DGLUCY: variants seen among roughly 807,000 people sequenced by gnomAD.
DGLUCY encodes D-glutamate cyclase, also known as D-glutamate cyclase, mitochondrial.
Under a neutral mutation model 58.5 loss-of-function variants are expected in DGLUCY, and 58 were observed. The observed-to-expected ratio is 0.99, with a 90% CI of 0.80 to 1.23. DGLUCY has a LOEUF of 1.23. Ranked by LOEUF, DGLUCY falls within the 50% of genes most tolerant of loss-of-function variation. The pLI is 0.00. For synonymous variants in DGLUCY, 325 were observed against 314.1 expected (o/e 1.03, Z -0.37); for missense variants, 779 against 784.7 (o/e 0.99, Z 0.09).
upstream of DGLUCY, among the ~76,000 whole-genome samples, chr14:91,111,764 G>T (rs2044706161): frequency 6.6e-6 from 1 of 152,152 alleles, no homozygotes; most frequent in Admixed American, 6.5e-5. Flanking sequence ...ATGAATTTTG[G>T]AGGAATACAA....
At chr14:91,203,458 G>A (rs2050694328) in intron 11 of DGLUCY, among the ~76,000 whole-genome samples, 1 of 152,206 alleles carries the variant, frequency 6.6e-6, no homozygotes, top group South Asian at 2.1e-4. Context: ...CTGTTCCATA[G>A]GCTTGGAGAG....
chr14:91,126,767 T>A (rs2045710621), intron 1 of DGLUCY, among the ~76,000 whole-genome samples: 1 of 152,148 alleles, frequency 6.6e-6, no homozygotes, highest in Non-Finnish European at 1.5e-5. Context: ...CTCAAGATCT[T>A]TCACTTAATT....
At chr14:91,203,290 G>A (rs74083998) in intron 11 of DGLUCY, among the ~76,000 whole-genome samples, 2 of 152,314 alleles carry the variant, frequency 1.3e-5, no homozygotes, top group African/African-American at 4.8e-5. Context: ...AATCTAAGGT[G>A]TTTGGTCCTT....
At chr14:91,149,613 G>A (rs746075884) in intron 1 of DGLUCY, among the ~76,000 whole-genome samples, 11 of 152,236 alleles carry the variant, frequency 7.2e-5, no homozygotes, top group African/African-American at 1.4e-4. Context: ...TGTAGATTTC[G>A]TGCATCATAT....
intron 1 of DGLUCY, among the ~76,000 whole-genome samples, chr14:91,135,669 A>AAC (rs1363310584): frequency 1.3e-5 from 2 of 150,994 alleles, no homozygotes; most frequent in Middle Eastern, 3.4e-3. Context: ...AAAAAAAAAA[A>AAC]AAAAACAAGT....
At chr14:91,087,984 C>T (rs1044838983) in intron 1 of DGLUCY, among the ~76,000 whole-genome samples, 2 of 152,114 alleles carry the variant, frequency 1.3e-5, no homozygotes, top group Non-Finnish European at 2.9e-5. Flanking sequence ...AGCCTCTAAC[C>T]CAGCAGTAGG....
At chr14:91,139,737 G>A (rs890296111) in intron 1 of DGLUCY, among the ~76,000 whole-genome samples, 2 of 152,224 alleles carry the variant, frequency 1.3e-5, no homozygotes, top group Non-Finnish European at 2.9e-5. Flanking sequence ...TACAATCAAG[G>A]TGACACATAA....
chr14:91,084,189 C>T (rs1190085404), intron 1 of DGLUCY, among the ~76,000 whole-genome samples: 1 of 151,364 alleles, frequency 6.6e-6, no homozygotes, highest in Admixed American at 6.6e-5. Context: ...GTTCTCTCCA[C>T]CATCATCTGT....
At chr14:91,082,144 G>A (rs1474362040) in intron 1 of DGLUCY, among the ~76,000 whole-genome samples, 3 of 152,164 alleles carry the variant, frequency 2.0e-5, no homozygotes, top group Non-Finnish European at 4.4e-5. Flanking sequence ...TGCTATAGCT[G>A]GGTAACATTT....
intron 9 of DGLUCY, 26 bp downstream of exon 9, chr14:91,189,196 A>C: frequency 6.2e-7 from 1 of 1,611,898 alleles, no homozygotes; most frequent in Non-Finnish European, 8.5e-7. Context: ...GGCTTGGTCC[A>C]TTTCCCCAAA....
chr14:91,148,493 A>ACTGTGC (rs1197641222), intron 1 of DGLUCY: 2 of 151,966 alleles, frequency 1.3e-5, no homozygotes, highest in Non-Finnish European at 2.9e-5. Context: ...GGCATGAGCC[A>ACTGTGC]CTGTGCCTGG....
chr14:91,134,692 C>T lies in DGLUCY; in HGVS notation c.-82+20409C>T, dbSNP rs182579999. ...ACCTCAGATGATCCACCTGCCTTGG[C>T]CACCCAAAGTGCTGGGATTACAGGC... On this transcript the variant is annotated intron_variant, in intron 1 of 13. Coordinates refer to ENST00000256324, the MANE Select transcript of DGLUCY (RefSeq NM_001102368.3). Among the ~76,000 whole-genome samples, 675 of 152,222 alleles carry T rather than the reference C, an allele frequency of 4.4e-3. 3 individuals are homozygous for T. The highest frequency in any genetic ancestry group is 8.7e-3 in the South Asian group (42 of 4,832).
At chr14:91,078,325 C>T (rs1163610345) in intron 1 of DGLUCY, among the ~76,000 whole-genome samples, 1 of 152,182 alleles carries the variant, frequency 6.6e-6, no homozygotes, top group African/African-American at 2.4e-5. Context: ...TGCTAATGAG[C>T]AATTAGATTG....
At chr14:91,208,953 G>A (rs542841166) in intron 12 of DGLUCY, among the ~76,000 whole-genome samples, 65 of 152,294 alleles carry the variant, frequency 4.3e-4, no homozygotes, top group Non-Finnish European at 7.8e-4. Context: ...TACATGCTAA[G>A]AAAGGAGAGA....
chr14:91,205,291 G>A (rs750775747), intron 12 of DGLUCY, among the ~76,000 whole-genome samples: 12 of 152,264 alleles, frequency 7.9e-5, no homozygotes, highest in Middle Eastern at 3.4e-3. Flanking sequence ...TGGAGGATGC[G>A]AGAAGCTTTC....
At chr14:91,089,797 G>T (rs2044279728) in intron 1 of DGLUCY, among the ~76,000 whole-genome samples, 1 of 151,110 alleles carries the variant, frequency 6.6e-6, no homozygotes, top group African/African-American at 2.4e-5. Context: ...CTCCAGCATG[G>T]GTGACAGAGT....
intron 1 of DGLUCY, among the ~76,000 whole-genome samples, chr14:91,136,673 ACT>A (rs1385813507): frequency 1.4e-5 from 2 of 145,518 alleles, no homozygotes; most frequent in East Asian, 4.1e-4. Context: ...ACAGAGCAAG[ACT>A]CTGTCTCAAA....
chr14:91,096,291 A>G (rs551398892), intron 1 of DGLUCY, among the ~76,000 whole-genome samples: 1 of 152,136 alleles, frequency 6.6e-6, no homozygotes, highest in East Asian at 1.9e-4. Flanking sequence ...ATGCGCACCT[A>G]TAATCCCAGC....
intron 3 of DGLUCY, among the ~76,000 whole-genome samples, chr14:91,165,606 G>A (rs2048235686): frequency 6.6e-6 from 1 of 152,138 alleles, no homozygotes; most frequent in African/African-American, 2.4e-5. Flanking sequence ...ATACCCAAAT[G>A]GCCAATAGGA....
Sources: gnomAD v4.1 joint callset for allele counts (sites outside exome capture counted in the v4.1 genomes callset) on GRCh38, gnomAD v4.1.1 for gene constraint, MANE v1.5 for transcripts, NCBI Gene and HGNC (gene_info 2026-07-23, HGNC 2026-07-21) for gene names.